ZNF711: variants seen among roughly 807,000 people sequenced by gnomAD.
The protein encoded by ZNF711 is ZFX family zinc finger ZNF711.
In ZNF711, 3 loss-of-function variants were observed where a neutral mutation model predicts 43.5. The observed-to-expected ratio is 0.07, with a 90% CI of 0.03 to 0.18. The LOEUF is 0.18. Among genes scored for constraint, ZNF711 ranks in the 10% least tolerant of loss-of-function variants. ZNF711 has a pLI of 1.00. For missense variants in ZNF711, 412 were observed against 604.0 expected, an observed-to-expected ratio of 0.68 and a Z score of 3.33; for synonymous variants, 209 against 207.7, an observed-to-expected ratio of 1.01 and a Z score of -0.06.
rs1929780780 is a variant in ZNF711 at position 85,253,827 on chromosome X, TTC to T, written c.80-1429_80-1428del. ...GACACCCTTGGCAACCAATAATCTG[TTC>T]TCCATCTCTATAGTTTTATTGTTTT... is the stretch of plus-strand genomic sequence containing the variant. On this transcript the variant is annotated intron_variant, in intron 4 of 10. Coordinates refer to ENST00000674551, the MANE Select transcript of ZNF711 (RefSeq NM_001330574.2). 4.5e-5 allele frequency among the ~76,000 whole-genome samples: 5 copies of T among 110,187 alleles called. No individual in the cohort carries two copies. In the Admixed American group the frequency reaches 4.8e-4, roughly 11 times the overall value.
rs1203938305 is a variant in ZNF711 at position 85,270,701 on chromosome X, A to G, written c.1297A>G (p.Ile433Val). 2 of 1,206,646 alleles carry G rather than the reference A, an allele frequency of 1.7e-6. No homozygotes were observed. Among genetic ancestry groups the G allele is most frequent in the African/African-American group, 3.5e-5 (2 of 56,919 alleles). ...GQPLTVYPCH[I>V]CTKKFKSRGF... is the part of the protein sequence containing the mutation. ...GCCCCTCACAGTGTACCCTTGCCAT[A>G]TTTGCACAAAAAAGTTTAAATCCAG... The change falls in exon 11 of 11, where the codon ATT becomes GTT. Residue 433 changes from isoleucine (I) to valine (V), a missense_variant. Physicochemically the swap from Ile to Val is conservative, Grantham distance 29 (BLOSUM62 3). Coordinates refer to ENST00000674551, the MANE Select transcript of ZNF711 (RefSeq NM_001330574.2).
chrX:85,265,310 TA>T, intron 7 of ZNF711, 55 bp downstream of exon 7: 2 of 1,159,299 alleles, frequency 1.7e-6, no homozygotes, highest in Admixed American at 4.4e-5. Context: ...GCATTATTTT[TA>T]AAAAATCTCA....
chrX:85,269,981 A>C, intron 9 of ZNF711, 22 bp from the exon 10 acceptor site: 2 of 1,207,436 alleles, frequency 1.7e-6, no homozygotes, highest in Non-Finnish European at 2.2e-6. Context: ...TGATTTAATG[A>C]TGTTTCAATT....
intron 4 of ZNF711, among the ~76,000 whole-genome samples, chrX:85,250,638 A>T (rs1278047017): frequency 1.8e-5 from 2 of 111,796 alleles, no homozygotes; most frequent in African/African-American, 3.2e-5. Context: ...AAATCAAGGT[A>T]TATAAATCAA....
At chrX:85,263,803 T>C (rs1230980865) in intron 5 of ZNF711, among the ~76,000 whole-genome samples, 1 of 111,345 alleles carries the variant, frequency 9.0e-6, no homozygotes, top group Non-Finnish European at 1.9e-5. Flanking sequence ...AATTGAAATC[T>C]GTAAATAGAT....
chrX:85,248,056 A>C (rs754139404), intron 4 of ZNF711, among the ~76,000 whole-genome samples: 3 of 110,807 alleles, frequency 2.7e-5, no homozygotes, highest in Non-Finnish European at 5.7e-5. Flanking sequence ...ATCAACTAAA[A>C]AAAAGATGCT....
intron 4 of ZNF711, among the ~76,000 whole-genome samples, chrX:85,249,949 A>C (rs1016579786): frequency 6.3e-5 from 7 of 111,941 alleles, no homozygotes; most frequent in African/African-American, 1.9e-4. Flanking sequence ...AAGTGGAATC[A>C]TATATGGTCG....
At chrX:85,254,758 C>G (rs1214456853) in intron 4 of ZNF711, among the ~76,000 whole-genome samples, 2 of 98,683 alleles carry the variant, frequency 2.0e-5, no homozygotes, top group African/African-American at 7.5e-5. Context: ...GCCGAGATCG[C>G]GCCACCGCAC....
intron 4 of ZNF711, among the ~76,000 whole-genome samples, chrX:85,254,801 C>CAAA (rs376380248): frequency 1.7e-3 from 62 of 35,819 alleles, no homozygotes; most frequent in African/African-American, 4.8e-3. Flanking sequence ...GACTCCGTCT[C>CAAA]AAAAAAAAAA....
intron 7 of ZNF711, among the ~76,000 whole-genome samples, chrX:85,265,756 C>A (rs1166098247): frequency 1.8e-5 from 2 of 111,139 alleles, no homozygotes; most frequent in Non-Finnish European, 3.8e-5. Flanking sequence ...TGCCAATGTT[C>A]TTTCCACATG....
chrX:85,269,855 GAGAA>G (rs772963013), intron 9 of ZNF711, 144 bp from the exon 10 acceptor site: 1 of 535,485 alleles, frequency 1.9e-6, no homozygotes, highest in East Asian at 3.7e-5. Context: ...GAGTGAGAGA[GAGAA>G]AGAGAATCAT....
intron 4 of ZNF711, among the ~76,000 whole-genome samples, chrX:85,248,240 C>T (rs748928082): frequency 1.3e-4 from 14 of 106,280 alleles, no homozygotes; most frequent in African/African-American, 4.1e-4. Flanking sequence ...GAGGCAAAGG[C>T]GGGCGGATCA....
intron 5 of ZNF711, among the ~76,000 whole-genome samples, chrX:85,261,883 T>C (rs1981181340): frequency 9.0e-6 from 1 of 111,039 alleles, no homozygotes; most frequent in South Asian, 3.7e-4. Context: ...TTGAGTATTA[T>C]CTGCATTTAG....
chrX:85,264,239 T>C lies in ZNF711; in HGVS notation c.623-36T>C, dbSNP rs749158903. On this transcript the variant is annotated intron_variant, in intron 5 of 10. Transcript: ENST00000674551. The stretch of plus-strand genomic sequence containing the variant: ...GTTTTGTTGTTTTTTGTCAATGGTA[T>C]TTTTTGACTGAAATAATTTTGTTTA... The C allele has an allele frequency of 6.2e-6, 7 of 1,132,060 alleles. No homozygotes were observed. In the African/African-American group the frequency reaches 1.1e-4, roughly 18 times the overall value. The allele number at this position is 1,132,060 out of a possible 1,213,427, so 93.3% of individuals were successfully genotyped here.
At chrX:85,263,439 A>C (rs1248035607) in intron 5 of ZNF711, among the ~76,000 whole-genome samples, 1 of 111,368 alleles carries the variant, frequency 9.0e-6, no homozygotes, top group Non-Finnish European at 1.9e-5. Context: ...CAAAATCTAG[A>C]TATATACAAA....
At chrX:85,268,426 A>G in intron 9 of ZNF711, 85 bp downstream of exon 9, 1 of 1,054,321 alleles carries the variant, frequency 9.5e-7, no homozygotes, top group Non-Finnish European at 1.3e-6. Flanking sequence ...GTTTGTGTCT[A>G]CAGACACATT....
intron 5 of ZNF711, among the ~76,000 whole-genome samples, chrX:85,260,537 C>A (rs1439626068): frequency 2.7e-5 from 3 of 109,951 alleles, no homozygotes; most frequent in African/African-American, 9.9e-5. Flanking sequence ...GTTGTACAAC[C>A]ATCACCACAA....
chrX:85,267,974 C>A (rs996705709), intron 8 of ZNF711, among the ~76,000 whole-genome samples: 1 of 111,338 alleles, frequency 9.0e-6, no homozygotes, highest in African/African-American at 3.3e-5. Context: ...AAACTTGGTT[C>A]TTCCAAAGGT....
intron 10 of ZNF711, among the ~76,000 whole-genome samples, 182 bp downstream of exon 10, chrX:85,270,328 C>A (rs1437178892): frequency 2.9e-5 from 3 of 104,240 alleles, no homozygotes; most frequent in Non-Finnish European, 5.9e-5. Flanking sequence ...TAAAACTATG[C>A]TTGTTTGCTC....
Sources: gnomAD v4.1 joint callset for allele counts (sites outside exome capture counted in the v4.1 genomes callset) on GRCh38, gnomAD v4.1.1 for gene constraint, MANE v1.5 for transcripts, NCBI Gene and HGNC (gene_info 2026-07-23, HGNC 2026-07-21) for gene names.